Variants in AGAP1 observed in about 807,000 individuals in gnomAD.
AGAP1 encodes the protein ArfGAP with GTPase domain, ankyrin repeat and PH domain 1, also known as arf-GAP with GTPase, ANK repeat and PH domain-containing protein 1.
A neutral mutation model predicts 105.3 loss-of-function variants in AGAP1; 29 were observed. The ratio of observed to expected loss-of-function variants is 0.28; its 90% CI spans 0.21 to 0.38. AGAP1 has a LOEUF of 0.38. Among genes scored for constraint, AGAP1 ranks in the 10% least tolerant of loss-of-function variants. AGAP1 has a pLI of 1.00. For synonymous variants in AGAP1, 509 were observed against 485.9 expected (o/e 1.05, Z -0.63); for missense variants, 998 against 1,165.1 (o/e 0.86, Z 2.09).
In AGAP1 at chr2:235,792,005, G is replaced by A. The variant is rs1000753481; in HGVS notation, c.674-5754G>A. 2.0e-5 allele frequency among the ~76,000 whole-genome samples: 3 copies of A among 152,198 alleles called. No individual in the cohort carries two copies. Among genetic ancestry groups the A allele is most frequent in the African/African-American group, 4.8e-5 (2 of 41,440 alleles). Reference sequence around the variant, plus strand: ...GTTTAGTCTCATGTGAATTTCATCAGTGTGTCTATGGTGAGCATTTAAAAT... The same window carrying A: ...GTTTAGTCTCATGTGAATTTCATCAATGTGTCTATGGTGAGCATTTAAAAT... On this transcript the variant is annotated intron_variant, in intron 6 of 17. Transcript: ENST00000304032. This position sits in a 1 kb window ranked among gnomAD's most constrained non-coding sequence, Gnocchi z 5.3.
At chr2:235,913,769 A>G (rs540756009) in intron 11 of AGAP1, among the ~76,000 whole-genome samples, 4 of 152,344 alleles carry the variant, frequency 2.6e-5, no homozygotes, top group Admixed American at 2.0e-4. Flanking sequence ...TGCACATGAC[A>G]TCAGGACCTC....
chr2:235,584,288 C>G (rs1332757957), intron 1 of AGAP1, among the ~76,000 whole-genome samples: 2 of 148,386 alleles, frequency 1.3e-5, no homozygotes, highest in African/African-American at 5.0e-5. Flanking sequence ...ATTACATTAA[C>G]AAGTGAATGA....
rs1211853612 is a variant in AGAP1 at position 235,887,201 on chromosome 2, CAGAAGGACCACTGAG to C, written c.1155+3755_1155+3769del. ...TGGCTATCTCCAGGATGTATTACGG[CAGAAGGACCACTGAG>C]AGTCATTGGCCACATGCAGTGGTGG... On this transcript the variant is annotated intron_variant, in intron 10 of 17. Coordinates refer to ENST00000304032, the MANE Select transcript of AGAP1 (RefSeq NM_001037131.3). The surrounding 1 kb of genome is among the most constrained non-coding windows in gnomAD (Gnocchi z 4.1). Among the ~76,000 whole-genome samples, 12 of 152,236 alleles carry C rather than the reference CAGAAGGACCACTGAG, an allele frequency of 7.9e-5. No homozygotes were observed. The highest frequency in any genetic ancestry group is 2.9e-4 in the African/African-American group (12 of 41,546).
intron 11 of AGAP1, among the ~76,000 whole-genome samples, chr2:235,917,663 G>A (rs1274725093): frequency 6.6e-6 from 1 of 152,124 alleles, no homozygotes; most frequent in East Asian, 1.9e-4. Context: ...AGGCAATGAG[G>A]CACCGGCGGC....
chr2:235,980,872 G>A (rs533769326), intron 13 of AGAP1, among the ~76,000 whole-genome samples: 7 of 152,168 alleles, frequency 4.6e-5, no homozygotes, highest in African/African-American at 1.7e-4. Context: ...TGAAAGGATG[G>A]GATTGTTTCT....
chr2:235,604,191 T>C (rs1471174205), intron 1 of AGAP1, among the ~76,000 whole-genome samples: 1 of 152,104 alleles, frequency 6.6e-6, no homozygotes, highest in Non-Finnish European at 1.5e-5. Flanking sequence ...CCAATTGGCA[T>C]ATATAAAAAG....
chr2:235,520,719 G>A (rs184715762), intron 1 of AGAP1, among the ~76,000 whole-genome samples: 4 of 152,258 alleles, frequency 2.6e-5, no homozygotes, highest in African/African-American at 7.2e-5. Context: ...TACCTTTCGG[G>A]TCATGTAGGA....
chr2:235,713,329 G>A (rs1371963401), intron 2 of AGAP1, among the ~76,000 whole-genome samples: 1 of 152,238 alleles, frequency 6.6e-6, no homozygotes, highest in Non-Finnish European at 1.5e-5. Context: ...GGTAAAAAAA[G>A]ATGTACGTCG....
rs1164105435 is a variant in AGAP1, at chr2:235,889,243, T to C, written c.1155+5794T>C. 6.6e-6 allele frequency among the ~76,000 whole-genome samples: 1 copy of C among 152,174 alleles called. No homozygotes were observed. The highest frequency in any genetic ancestry group is 2.4e-5 in the African/African-American group (1 of 41,442). On this transcript the variant is annotated intron_variant, in intron 10 of 17. Coordinates refer to ENST00000304032, the MANE Select transcript of AGAP1 (RefSeq NM_001037131.3). This position sits in a 1 kb window ranked among gnomAD's most constrained non-coding sequence, Gnocchi z 4.6. ...AATCCCAGCAGGATGACCTGCTCTT[T>C]GAAACTGTGGCTTCAGAACAAAGCA...
rs559644420 is a variant in AGAP1 at position 235,723,800 on chromosome 2, T to TGGTTGGTCGGTC, written c.310+6159_310+6160insTGGTCGGTCGGT. Among the ~76,000 whole-genome samples, 4 of 150,990 alleles carry TGGTTGGTCGGTC rather than the reference T, an allele frequency of 2.6e-5. No individual in the cohort carries two copies. The highest frequency in any genetic ancestry group is 9.8e-5 in the African/African-American group (4 of 40,724). On this transcript the variant is annotated intron_variant, in intron 3 of 17. Coordinates refer to ENST00000304032, the MANE Select transcript of AGAP1 (RefSeq NM_001037131.3). The surrounding 1 kb of genome is among the most constrained non-coding windows in gnomAD (Gnocchi z 6.2). ...TTGGTTGGTTGGTTGGTTGGTTGGT[T>TGGTTGGTCGGTC]GGTCGATCGACAGAGACTTAAGAAT... is the stretch of plus-strand genomic sequence containing the variant.
rs1181743464 is a variant in AGAP1, at chr2:235,744,539, C to T, written c.397-159C>T. On this transcript the variant is annotated intron_variant, in intron 4 of 17. Coordinates refer to ENST00000304032, the MANE Select transcript of AGAP1 (RefSeq NM_001037131.3). The surrounding 1 kb of genome is among the most constrained non-coding windows in gnomAD (Gnocchi z 5.2). The stretch of plus-strand genomic sequence containing the variant: ...GTGCTCAGGAGGAGGACGTGGATGC[C>T]GTGACAGTGTGTAAAAGTGACAGTC... Among the ~76,000 whole-genome samples the T allele has an allele frequency of 6.6e-6, 1 of 152,108 alleles. No individual in the cohort carries two copies. Among genetic ancestry groups the T allele is most frequent in the Admixed American group, 6.6e-5 (1 of 15,266 alleles).
rs116137680 is a variant in AGAP1, at chr2:235,635,574, G to A, written c.164-73605G>A. Among the ~76,000 whole-genome samples, 921 of 152,114 alleles carry A rather than the reference G, an allele frequency of 6.1e-3. 12 individuals are homozygous for A. The highest frequency in any genetic ancestry group is 0.021 in the African/African-American group (869 of 41,488). ...GGAACAAGAAGACAGAAGAAAGAAC[G>A]CACTTTGGTTTTCTTTTGGAAACCT... On this transcript the variant is annotated intron_variant, in intron 1 of 17. Transcript: ENST00000304032. The surrounding 1 kb of genome is among the most constrained non-coding windows in gnomAD (Gnocchi z 5.3).
chr2:236,037,697 C>A (rs982300394), intron 14 of AGAP1, among the ~76,000 whole-genome samples: 1 of 152,230 alleles, frequency 6.6e-6, no homozygotes, highest in African/African-American at 2.4e-5. Context: ...CATGAGCTAC[C>A]ACGCCTGGCT....
rs117273094 is a variant in AGAP1, at chr2:236,123,814, G to A, written c.2371-105G>A. 818 of 1,405,060 alleles carry A rather than the reference G, an allele frequency of 5.8e-4. 3 individuals are homozygous for A. The East Asian group carries it at 0.013, about 22-fold the overall frequency. 87.0% of individuals were successfully genotyped at this position (1,405,060 alleles called of 1,614,324 possible). A position where few individuals can be genotyped will look rare whatever the true frequency, so the allele number is the denominator to read the frequency against. ...CCCAGCCAGTTGTGTAGCTGGCCCC[G>A]CTGTCCAAGCACAAGCCACATGCAA... is the stretch of plus-strand genomic sequence containing the variant. On this transcript the variant is annotated intron_variant, in intron 17 of 17. Coordinates refer to ENST00000304032, the MANE Select transcript of AGAP1 (RefSeq NM_001037131.3). This position sits in a 1 kb window ranked among gnomAD's most constrained non-coding sequence, Gnocchi z 4.6.
intron 13 of AGAP1, among the ~76,000 whole-genome samples, chr2:235,980,482 T>C (rs761632965): frequency 6.6e-6 from 1 of 152,214 alleles, no homozygotes; most frequent in Non-Finnish European, 1.5e-5. Context: ...AATTTCTGTT[T>C]AATGATACAG....
At position 235,799,563 on chromosome 2, in the gene AGAP1, A is replaced by T; in HGVS notation, c.957+41A>T. 6.2e-7 allele frequency: 1 copy of T among 1,603,536 alleles called. No homozygotes were observed. The highest frequency in any genetic ancestry group is 1.7e-4 in the Middle Eastern group (1 of 6,022). On this transcript the variant is annotated intron_variant, in intron 8 of 17. Coordinates refer to ENST00000304032, the MANE Select transcript of AGAP1 (RefSeq NM_001037131.3). This position sits in a 1 kb window ranked among gnomAD's most constrained non-coding sequence, Gnocchi z 5.0. ...GGGTGGAGATTTGAATGCGATTCCG[A>T]AGCGTTCCCATTAACGTAAACCTGG... is the stretch of plus-strand genomic sequence containing the variant.
intron 1 of AGAP1, among the ~76,000 whole-genome samples, chr2:235,697,399 G>C (rs1473721073): frequency 6.6e-6 from 1 of 152,160 alleles, no homozygotes; most frequent in Non-Finnish European, 1.5e-5. Flanking sequence ...AAGTAGTTTA[G>C]CCACATTAAG....
intron 12 of AGAP1, among the ~76,000 whole-genome samples, chr2:235,932,548 G>A (rs540549006): frequency 1.5e-4 from 23 of 152,238 alleles, no homozygotes; most frequent in African/African-American, 4.6e-4. Context: ...GGAGATGCAC[G>A]CTGGGCCTTC....
Position 236,020,790 on chromosome 2 carries a change from A to C in AGAP1, c.1646-15771A>C, listed in dbSNP as rs1331256929. Among the ~76,000 whole-genome samples, 1 of 152,240 alleles carries C rather than the reference A, an allele frequency of 6.6e-6. No individual in the cohort carries two copies. Among genetic ancestry groups the C allele is most frequent in the African/African-American group, 2.4e-5 (1 of 41,462 alleles). On this transcript the variant is annotated intron_variant, in intron 13 of 17. Transcript: ENST00000304032. The surrounding 1 kb of genome is among the most constrained non-coding windows in gnomAD (Gnocchi z 5.0). ...CATGGAGAATATCTGTGGACTATTC[A>C]GTAGGCCTTTTTAATGTATCGGTAC...
Sources: gnomAD v4.1 joint callset for allele counts (sites outside exome capture counted in the v4.1 genomes callset) on GRCh38, gnomAD v4.1.1 for gene constraint, Gnocchi (gnomAD v3.1) non-coding constraint, MANE v1.5 for transcripts, NCBI Gene and HGNC (gene_info 2026-07-23, HGNC 2026-07-21) for gene names.